Variants in ADAM32 observed in about 807,000 individuals in gnomAD.
ADAM32 encodes the protein disintegrin and metalloproteinase domain-containing protein 32.
Under a neutral mutation model 114.9 loss-of-function variants are expected in ADAM32, and 89 were observed. That is an observed-to-expected ratio of 0.77 (90% confidence interval 0.65 to 0.92). ADAM32 has a LOEUF of 0.92. Ranked by LOEUF, ADAM32 falls within the 40% of genes least tolerant of loss-of-function variation. The pLI, the probability that ADAM32 is intolerant of heterozygous loss-of-function variation, is 0.00. For synonymous variants in ADAM32, 285 were observed against 307.5 expected, an observed-to-expected ratio of 0.93 and a Z score of 0.77; for missense variants, 870 against 932.8, an observed-to-expected ratio of 0.93 and a Z score of 0.88.
chr8:39,262,867 G>A (rs1454962561), intron 19 of ADAM32, among the ~76,000 whole-genome samples: 1 of 151,922 alleles, frequency 6.6e-6, no homozygotes, highest in Non-Finnish European at 1.5e-5. Context: ...CACCATGCCT[G>A]TCTATTTTTT....
Position 39,164,643 on chromosome 8 carries a change from G to A in ADAM32, c.595-121G>A, listed in dbSNP as rs980010728. The A allele has an allele frequency of 3.1e-5, 20 of 637,486 alleles. No individual in the cohort carries two copies. In the African/African-American group the frequency reaches 3.8e-4, roughly 12 times the overall value. The allele number at this position is 637,486 out of a possible 1,614,324, so 39.5% of individuals were successfully genotyped here. A position where few individuals can be genotyped will look rare whatever the true frequency, so the allele number is the denominator to read the frequency against. ...TTATATTCAGTTTTTACTTATTAATGTTTTATTTTGAACTGTTGAAACCCA... is the reference window on the plus strand; with the variant it reads ...TTATATTCAGTTTTTACTTATTAATATTTTATTTTGAACTGTTGAAACCCA... On this transcript the variant is annotated intron_variant, in intron 7 of 24. Transcript: ENST00000379907.
chr8:39,137,226 A>G (rs1334765053), intron 3 of ADAM32, among the ~76,000 whole-genome samples: 1 of 152,184 alleles, frequency 6.6e-6, no homozygotes, highest in Non-Finnish European at 1.5e-5. Flanking sequence ...ATGCAAGCCC[A>G]GTTGGGAAAG....
intron 14 of ADAM32, among the ~76,000 whole-genome samples, chr8:39,231,651 A>G (rs1264956129): frequency 6.6e-6 from 1 of 152,192 alleles, no homozygotes; most frequent in Non-Finnish European, 1.5e-5. Context: ...TTCTCATTGA[A>G]GAAATTTTCT....
At chr8:39,239,949 G>A (rs1810450509) in intron 16 of ADAM32, among the ~76,000 whole-genome samples, 1 of 152,132 alleles carries the variant, frequency 6.6e-6, no homozygotes, top group African/African-American at 2.4e-5. Context: ...ATAGACGTAA[G>A]AAATGAGATA....
intron 11 of ADAM32, among the ~76,000 whole-genome samples, chr8:39,188,945 C>T (rs1806422498): frequency 6.6e-6 from 1 of 152,068 alleles, no homozygotes; most frequent in Non-Finnish European, 1.5e-5. Flanking sequence ...TAATTAGTTA[C>T]ATATTTCAAT....
intron 2 of ADAM32, among the ~76,000 whole-genome samples, chr8:39,125,712 C>G (rs1200956757): frequency 6.6e-6 from 1 of 152,088 alleles, no homozygotes; most frequent in Non-Finnish European, 1.5e-5. Flanking sequence ...GTTGCAATTG[C>G]TTTTGGTGTT....
chr8:39,179,966 C>A (rs1373689712), intron 10 of ADAM32, among the ~76,000 whole-genome samples: 1 of 152,232 alleles, frequency 6.6e-6, no homozygotes, highest in African/African-American at 2.4e-5. Context: ...GTCCTCAGAG[C>A]CCTCGCTTGC....
chr8:39,281,558 A>G (rs1183183660), intron 23 of ADAM32, among the ~76,000 whole-genome samples: 2 of 152,214 alleles, frequency 1.3e-5, no homozygotes, highest in South Asian at 2.1e-4. Context: ...CAAAAACTCA[A>G]TGTGAACAAC....
At position 39,169,971 on chromosome 8, in the gene ADAM32, A is replaced by C. The variant is rs1181194357; in HGVS notation, c.889A>C (p.Thr297Pro). ...AGTGTTTCCTGGAACAATGTGTATTACTCGTTATTCTGCAGGAGTTGCATT... is the reference window on the plus strand; with the variant it reads ...AGTGTTTCCTGGAACAATGTGTATTCCTCGTTATTCTGCAGGAGTTGCATT... ...GAVFPGTMCI[T>P]RYSAGVALYP... The change falls in exon 10 of 25, where the codon ACT becomes CCT. Residue 297 changes from threonine to proline, a missense_variant. By Grantham distance (38) the Thr-to-Pro change is conservative (BLOSUM62 -1). Coordinates refer to ENST00000379907, the MANE Select transcript of ADAM32 (RefSeq NM_145004.7). 6.3e-7 allele frequency: 1 copy of C among 1,599,858 alleles called. No individual in the cohort carries two copies. Among genetic ancestry groups the C allele is most frequent in the Non-Finnish European group, 8.5e-7 (1 of 1,171,148 alleles).
chr8:39,271,129 G>A (rs1381122084), intron 20 of ADAM32, among the ~76,000 whole-genome samples: 1 of 151,998 alleles, frequency 6.6e-6, no homozygotes, highest in Non-Finnish European at 1.5e-5. Flanking sequence ...AGGAAACAAG[G>A]AATAAAATAG....
chr8:39,269,917 G>T (rs956512410), intron 19 of ADAM32, among the ~76,000 whole-genome samples: 4 of 152,208 alleles, frequency 2.6e-5, no homozygotes, highest in African/African-American at 9.6e-5. Flanking sequence ...TGCAATCATG[G>T]CAGAAGGCGA....
At chr8:39,213,324 G>A (rs1057119960) in intron 12 of ADAM32, among the ~76,000 whole-genome samples, 2 of 151,842 alleles carry the variant, frequency 1.3e-5, no homozygotes, top group Admixed American at 6.6e-5. Context: ...TATTTTATTT[G>A]TGCTGGGAAT....
intron 1 of ADAM32, among the ~76,000 whole-genome samples, chr8:39,116,591 C>T (rs1203423632): frequency 2.0e-5 from 3 of 151,960 alleles, no homozygotes; most frequent in Admixed American, 6.6e-5. Flanking sequence ...GATTTTGTAT[C>T]CTGAAACTTT....
chr8:39,212,559 T>C (rs2129448409), intron 12 of ADAM32, among the ~76,000 whole-genome samples: 1 of 152,308 alleles, frequency 6.6e-6, no homozygotes. Flanking sequence ...ATAAATGAAA[T>C]GAGACAGCAC....
intron 6 of ADAM32, among the ~76,000 whole-genome samples, chr8:39,156,042 C>T (rs749251616): frequency 2.0e-5 from 3 of 152,034 alleles, no homozygotes; most frequent in Non-Finnish European, 2.9e-5. Context: ...AATGTACAAG[C>T]TATTGTATAG....
rs192016886 is a variant in ADAM32 at position 39,267,913 on chromosome 8, G to T, written c.2163-2963G>T. Among the ~76,000 whole-genome samples the T allele has an allele frequency of 1.8e-3, 280 of 152,332 alleles. 1 individual carries two copies. The highest frequency in any genetic ancestry group is 3.4e-3 in the Non-Finnish European group (231 of 68,032). On this transcript the variant is annotated intron_variant, in intron 19 of 24. Coordinates refer to ENST00000379907, the MANE Select transcript of ADAM32 (RefSeq NM_145004.7). ...GCAGATGTGGAATGTGGGCTCTATA[G>T]ATAAAGACTGGCAGGAAGGTTGTTT...
intron 1 of ADAM32, among the ~76,000 whole-genome samples, chr8:39,110,874 C>T (rs1234094745): frequency 1.3e-5 from 2 of 152,184 alleles, no homozygotes. Flanking sequence ...TAAGCAGTCA[C>T]TCCTCATGTC....
intron 2 of ADAM32, among the ~76,000 whole-genome samples, chr8:39,131,049 C>T (rs539897610): frequency 6.0e-4 from 90 of 151,244 alleles, no homozygotes; most frequent in African/African-American, 1.9e-3. Context: ...CTCCACCTCC[C>T]GGGTTCACAC....
At chr8:39,254,702 A>C (rs1382036564) in intron 18 of ADAM32, among the ~76,000 whole-genome samples, 186 bp downstream of exon 18, 1 of 151,710 alleles carries the variant, frequency 6.6e-6, no homozygotes, top group Non-Finnish European at 1.5e-5. Flanking sequence ...CTTTATAATT[A>C]ACTAATCAAT....
Sources: allele counts gnomAD v4.1 joint callset (sites outside exome capture counted in the v4.1 genomes callset), GRCh38; gene constraint gnomAD v4.1.1; transcripts MANE v1.5; gene names NCBI Gene and HGNC (gene_info 2026-07-23, HGNC 2026-07-21).